IL1RAP: variants seen among roughly 807,000 people sequenced by gnomAD.
IL1RAP encodes interleukin 1 receptor accessory protein, also known as interleukin-1 receptor accessory protein.
A neutral mutation model predicts 60.7 loss-of-function variants in IL1RAP; 35 were observed. The observed-to-expected ratio is 0.58, with a 90% CI of 0.44 to 0.76. The LOEUF is 0.76. Ranked by LOEUF, IL1RAP falls within the 30% of genes least tolerant of loss-of-function variation. IL1RAP has a pLI of 0.00. For missense variants in IL1RAP, 572 were observed against 693.9 expected (o/e 0.82, Z 1.97); for synonymous variants, 268 against 250.9 (o/e 1.07, Z -0.64).
chr3:190,540,174 A>G (rs956756528), intron 1 of IL1RAP, among the ~76,000 whole-genome samples: 2 of 152,078 alleles, frequency 1.3e-5, no homozygotes, highest in African/African-American at 4.8e-5. Flanking sequence ...AGGTTGGTAG[A>G]ACATTGAGGG....
intron 1 of IL1RAP, among the ~76,000 whole-genome samples, chr3:190,551,856 C>T (rs911096783): frequency 1.5e-4 from 23 of 152,028 alleles, no homozygotes; most frequent in African/African-American, 5.3e-4. Context: ...CTGTGGTTTA[C>T]AATAACTTAA....
At position 190,611,122 on chromosome 3, in the gene IL1RAP, T is replaced by G. The variant is rs142788679; in HGVS notation, c.537+1941T>G. Among the ~76,000 whole-genome samples the G allele has an allele frequency of 3.1e-3, 479 of 152,260 alleles. 4 individuals carry two copies. Among genetic ancestry groups the G allele is most frequent in the African/African-American group, 0.01 (416 of 41,546 alleles). ...AGTGTTTCTAATAGTAAATGAAAAT[T>G]TAATGATCCAATTAGAATTATCATC... On this transcript the variant is annotated intron_variant, in intron 5 of 11. Transcript: ENST00000447382.
chr3:190,520,567 G>A (rs1489951725), intron 1 of IL1RAP: 2 of 152,170 alleles, frequency 1.3e-5, no homozygotes, highest in Non-Finnish European at 2.9e-5. Context: ...CCAGTGTCAA[G>A]TATCATAAAT....
chr3:190,514,498 G>A (rs918247574), intron 1 of IL1RAP, among the ~76,000 whole-genome samples: 58 of 152,066 alleles, frequency 3.8e-4, no homozygotes, highest in African/African-American at 1.4e-3. Context: ...AGCCCTTTGA[G>A]GGGTCTACCC....
chr3:190,516,539 A>T (rs1037681680), intron 1 of IL1RAP, among the ~76,000 whole-genome samples: 1 of 152,226 alleles, frequency 6.6e-6, no homozygotes, highest in African/African-American at 2.4e-5. Flanking sequence ...TGCATTCTGT[A>T]TATATGATAC....
downstream of IL1RAP, among the ~76,000 whole-genome samples, chr3:190,652,653 C>CTATTCCATT (rs879659412): frequency 3.5e-4 from 53 of 152,250 alleles, no homozygotes; most frequent in East Asian, 2.1e-3. Flanking sequence ...AGCTGTAAAG[C>CTATTCCATT]AGAGTTCGAC....
At chr3:190,628,939 C>T (rs568040671) in intron 8 of IL1RAP, among the ~76,000 whole-genome samples, 1 of 152,234 alleles carries the variant, frequency 6.6e-6, no homozygotes, top group South Asian at 2.1e-4. Flanking sequence ...AACCTGAGAC[C>T]TGGAAAGATT....
chr3:190,590,003 T>C (rs1728807690), intron 3 of IL1RAP, among the ~76,000 whole-genome samples: 1 of 152,180 alleles, frequency 6.6e-6, no homozygotes, highest in South Asian at 2.1e-4. Flanking sequence ...ACACACATAA[T>C]AATTCCTTTC....
intron 9 of IL1RAP, among the ~76,000 whole-genome samples, chr3:190,634,784 C>T (rs1387961594): frequency 2.7e-5 from 4 of 146,450 alleles, no homozygotes; most frequent in East Asian, 4.1e-4. Context: ...GGCGCGATCT[C>T]GGCTCACTGC....
At chr3:190,522,714 G>A (rs1182128171) in intron 1 of IL1RAP, among the ~76,000 whole-genome samples, 1 of 152,154 alleles carries the variant, frequency 6.6e-6, no homozygotes, top group Middle Eastern at 3.2e-3. Flanking sequence ...GGAAATGAAT[G>A]TAATATTTAC....
At chr3:190,519,271 ATACTC>A (rs1420127141) in intron 1 of IL1RAP, among the ~76,000 whole-genome samples, 2 of 152,192 alleles carry the variant, frequency 1.3e-5, no homozygotes, top group Non-Finnish European at 2.9e-5. Context: ...TAAAAAGAAA[ATACTC>A]TTATTGTTTT....
At chr3:190,640,729 G>GA (rs1733597657) in intron 9 of IL1RAP, among the ~76,000 whole-genome samples, 1 of 152,164 alleles carries the variant, frequency 6.6e-6, no homozygotes, top group Admixed American at 6.5e-5. Flanking sequence ...TCAAAACAGG[G>GA]AAAATGCCAA....
At chr3:190,566,668 C>T (rs1010179112) in intron 3 of IL1RAP, among the ~76,000 whole-genome samples, 3 of 152,316 alleles carry the variant, frequency 2.0e-5, no homozygotes, top group Non-Finnish European at 2.9e-5. Flanking sequence ...GGCACGTACT[C>T]ATTTGCCTTC....
intron 10 of IL1RAP, among the ~76,000 whole-genome samples, chr3:190,644,930 C>T (rs1437550504): frequency 6.6e-6 from 1 of 152,178 alleles, no homozygotes; most frequent in East Asian, 1.9e-4. Context: ...GATCCACACT[C>T]CTTGTACTCA....
At chr3:190,634,499 T>C (rs1000827543) in intron 9 of IL1RAP, among the ~76,000 whole-genome samples, 1 of 151,942 alleles carries the variant, frequency 6.6e-6, no homozygotes, top group South Asian at 2.1e-4. Context: ...CCAAATTTTG[T>C]TCATATCTTT....
At chr3:190,604,818 G>A (rs929323182) in intron 4 of IL1RAP, among the ~76,000 whole-genome samples, 29 of 152,310 alleles carry the variant, frequency 1.9e-4, no homozygotes, top group Middle Eastern at 3.4e-3. Flanking sequence ...TGGCACAGAA[G>A]AGAAACTCAG....
At chr3:190,520,569 A>G (rs1202293120) in intron 1 of IL1RAP, 6 of 152,222 alleles carry the variant, frequency 3.9e-5, no homozygotes, top group Admixed American at 2.0e-4. Context: ...AGTGTCAAGT[A>G]TCATAAATAA....
intron 3 of IL1RAP, 89 bp downstream of exon 3, chr3:190,564,442 C>A: frequency 1.2e-6 from 1 of 849,964 alleles, no homozygotes; most frequent in Non-Finnish European, 2.0e-6. Flanking sequence ...TTTAAATAAA[C>A]ATAATGTTAT....
At chr3:190,533,845 T>C (rs1560146064) in intron 1 of IL1RAP, among the ~76,000 whole-genome samples, 1 of 152,150 alleles carries the variant, frequency 6.6e-6, no homozygotes, top group Non-Finnish European at 1.5e-5. Flanking sequence ...TGAAAAATAC[T>C]CCCTTTGCGG....
Sources: gnomAD v4.1 joint callset for allele counts (sites outside exome capture counted in the v4.1 genomes callset) on GRCh38, gnomAD v4.1.1 for gene constraint, MANE v1.5 for transcripts, NCBI Gene and HGNC (gene_info 2026-07-23, HGNC 2026-07-21) for gene names.